The following CAMKMT variants were observed in gnomAD, a reference collection of about 807,000 sequenced individuals.
The protein encoded by CAMKMT is calmodulin-lysine N-methyltransferase, also known as CaM KMT.
Under a neutral mutation model 48.0 loss-of-function variants are expected in CAMKMT, and 53 were observed. The ratio of observed to expected loss-of-function variants is 1.10; its 90% CI spans 0.89 to 1.39. CAMKMT has a LOEUF of 1.39. Among genes scored for constraint, CAMKMT ranks in the 40% most tolerant of loss-of-function variants. The probability of loss-of-function intolerance (pLI) is 0.00; values close to 1 mark genes in which losing one functional copy is unlikely to be tolerated. For missense variants in CAMKMT, 428 were observed against 402.7 expected, an observed-to-expected ratio of 1.06 and a Z score of -0.54; for synonymous variants, 165 against 152.3, an observed-to-expected ratio of 1.08 and a Z score of -0.61.
intron 2 of CAMKMT, among the ~76,000 whole-genome samples, chr2:44,382,520 C>A (rs1680352077): frequency 6.6e-6 from 1 of 151,054 alleles, no homozygotes; most frequent in Non-Finnish European, 1.5e-5. Context: ...GCTCTGTCAC[C>A]CAGGCTGGAG....
chr2:44,758,284 T>G (rs1192008021), intron 9 of CAMKMT, among the ~76,000 whole-genome samples: 1 of 152,138 alleles, frequency 6.6e-6, no homozygotes, highest in Non-Finnish European at 1.5e-5. Context: ...TTCCCTGCCT[T>G]TCATTTTCTA....
rs951131914 is a variant in CAMKMT at position 44,618,170 on chromosome 2, A to C, written c.377-86113A>C. The stretch of plus-strand genomic sequence containing the variant: ...TTTAATAGGTCACCTTCCCAAGTGC[A>C]AGCAGGCAAGCTGTTATTGATCAAA... On this transcript the variant is annotated intron_variant, in intron 3 of 10. Transcript: ENST00000378494. The surrounding 1 kb of genome is among the most constrained non-coding windows in gnomAD (Gnocchi z 4.0). Among the ~76,000 whole-genome samples, 4 of 152,238 alleles carry C rather than the reference A, an allele frequency of 2.6e-5. No individual in the cohort carries two copies. The highest frequency in any genetic ancestry group is 5.9e-5 in the Non-Finnish European group (4 of 68,034).
At chr2:44,535,427 AAAC>A (rs1347025357) in intron 3 of CAMKMT, among the ~76,000 whole-genome samples, 1 of 152,178 alleles carries the variant, frequency 6.6e-6, no homozygotes, top group Admixed American at 6.5e-5. Context: ...GTCAAGAACA[AAAC>A]AACAGCAACA....
At chr2:44,448,458 A>T (rs1667120805) in intron 3 of CAMKMT, among the ~76,000 whole-genome samples, 1 of 152,234 alleles carries the variant, frequency 6.6e-6, no homozygotes, top group South Asian at 2.1e-4. Context: ...CTGTACACCC[A>T]GGTATAAGAT....
chr2:44,411,595 C>G (rs1233429422), intron 3 of CAMKMT, among the ~76,000 whole-genome samples: 1 of 152,102 alleles, frequency 6.6e-6, no homozygotes, highest in Non-Finnish European at 1.5e-5. Flanking sequence ...GAAAAAAATC[C>G]TGAGTACCAG....
chr2:44,648,477 A>G (rs1673875969), intron 3 of CAMKMT, among the ~76,000 whole-genome samples: 1 of 152,262 alleles, frequency 6.6e-6, no homozygotes, highest in African/African-American at 2.4e-5. Context: ...CATTCTTCAA[A>G]CATTTGAAGG....
chr2:44,700,236 T>C, intron 3 of CAMKMT, among the ~76,000 whole-genome samples: 1 of 152,252 alleles, frequency 6.6e-6, no homozygotes, highest in East Asian at 1.9e-4. Flanking sequence ...AAGAGAACGT[T>C]GTGGCTGGTT....
At chr2:44,753,904 C>A in intron 8 of CAMKMT, 151 bp from the exon 9 acceptor site, 1 of 633,786 alleles carries the variant, frequency 1.6e-6, no homozygotes, top group South Asian at 1.9e-5. Flanking sequence ...CCCCTCCCAC[C>A]CCCTCCAGTG....
chr2:44,641,076 T>C (rs10206608), intron 3 of CAMKMT, among the ~76,000 whole-genome samples: 89,985 of 152,006 alleles, frequency 0.59, 27,562 homozygotes, highest in Admixed American at 0.68. Context: ...TGATTTTTTA[T>C]AAATCCCTGT....
chr2:44,381,117 G>A (rs1047309381), intron 2 of CAMKMT, among the ~76,000 whole-genome samples: 20 of 152,154 alleles, frequency 1.3e-4, no homozygotes, highest in African/African-American at 4.8e-4. Flanking sequence ...CTAAGATTGC[G>A]CCATTGCACT....
At chr2:44,493,518 T>TA (rs1669613811) in intron 3 of CAMKMT, among the ~76,000 whole-genome samples, 1 of 152,228 alleles carries the variant, frequency 6.6e-6, no homozygotes, top group African/African-American at 2.4e-5. Flanking sequence ...ATTGATGGTT[T>TA]AAAAAATTAT....
chr2:44,484,668 A>C (rs112909801), intron 3 of CAMKMT, among the ~76,000 whole-genome samples: 1 of 143,306 alleles, frequency 7.0e-6, no homozygotes, highest in Non-Finnish European at 1.5e-5. Flanking sequence ...ACCCTGAGTT[A>C]GGTAAGGATA....
At chr2:44,513,582 C>T (rs1004195942) in intron 3 of CAMKMT, among the ~76,000 whole-genome samples, 5 of 152,190 alleles carry the variant, frequency 3.3e-5, no homozygotes, top group Non-Finnish European at 5.9e-5. Flanking sequence ...TCTTGGTACA[C>T]AAGAAAGGAG....
chr2:44,562,867 A>C (rs887745085), intron 3 of CAMKMT, among the ~76,000 whole-genome samples: 1 of 152,172 alleles, frequency 6.6e-6, no homozygotes, highest in African/African-American at 2.4e-5. Context: ...GGCCCAAAGC[A>C]GTGCTCCTAA....
intron 3 of CAMKMT, chr2:44,395,162 G>A (rs1681716183): frequency 3.0e-6 from 1 of 338,950 alleles, no homozygotes; most frequent in South Asian, 2.3e-5. Context: ...TAAAGTTAGG[G>A]TTTGGAATGT....
rs149333251 is a variant in CAMKMT at position 44,470,254 on chromosome 2, C to T, written c.376+79949C>T. ...CTATGGCCTCATACTGTGAAGTTTC[C>T]TGGGTTTTCTCCTCTCCCATTTTTA... is the stretch of plus-strand genomic sequence containing the variant. On this transcript the variant is annotated intron_variant, in intron 3 of 10. Transcript: ENST00000378494. Among the ~76,000 whole-genome samples the T allele has an allele frequency of 1.0e-3, 154 of 152,210 alleles. 2 individuals carry two copies. Among genetic ancestry groups the T allele is most frequent in the African/African-American group, 3.5e-3 (146 of 41,530 alleles).
At chr2:44,675,234 T>A (rs1012210858) in intron 3 of CAMKMT, among the ~76,000 whole-genome samples, 1 of 152,220 alleles carries the variant, frequency 6.6e-6, no homozygotes, top group Non-Finnish European at 1.5e-5. Flanking sequence ...TGATGGCTGA[T>A]TGCTTTTTAT....
intron 3 of CAMKMT, among the ~76,000 whole-genome samples, chr2:44,562,358 A>G (rs1412040184): frequency 1.3e-5 from 2 of 152,192 alleles, no homozygotes; most frequent in African/African-American, 4.8e-5. Flanking sequence ...ATTACAACAG[A>G]AGCATAACCA....
chr2:44,449,268 A>C (rs1350370221), intron 3 of CAMKMT, among the ~76,000 whole-genome samples: 1 of 152,144 alleles, frequency 6.6e-6, no homozygotes, highest in African/African-American at 2.4e-5. Context: ...TGAAGGGAAA[A>C]AATTGGGACA....
Sources: allele counts gnomAD v4.1 joint callset (sites outside exome capture counted in the v4.1 genomes callset), GRCh38; gene constraint gnomAD v4.1.1; non-coding constraint Gnocchi (gnomAD v3.1); transcripts MANE v1.5; gene names NCBI Gene and HGNC (gene_info 2026-07-23, HGNC 2026-07-21).